The following DOCK3 variants were observed in gnomAD, a reference collection of about 807,000 sequenced individuals.
DOCK3 encodes the protein dedicator of cytokinesis 3.
In DOCK3, 60 loss-of-function variants were observed where a neutral mutation model predicts 265.6. The ratio of observed to expected loss-of-function variants is 0.23; its 90% CI spans 0.18 to 0.28. DOCK3 has a LOEUF of 0.28. DOCK3 is among the 10% of genes least tolerant of loss of function. The probability of loss-of-function intolerance (pLI) is 1.00; values close to 1 mark genes in which losing one functional copy is unlikely to be tolerated. For synonymous variants in DOCK3, 881 were observed against 938.0 expected (o/e 0.94, Z 1.11); for missense variants, 1,981 against 2,594.3 (o/e 0.76, Z 5.14).
At chr3:51,101,932 C>T (rs1348834118) in intron 9 of DOCK3, among the ~76,000 whole-genome samples, 1 of 152,172 alleles carries the variant, frequency 6.6e-6, no homozygotes, top group Non-Finnish European at 1.5e-5. Context: ...AAAGCTTTTC[C>T]AGAGTTGGGG....
rs1362452211 is a variant in DOCK3 at position 50,867,432 on chromosome 3, C to T, written c.163-22594C>T. Among the ~76,000 whole-genome samples the T allele has an allele frequency of 2.6e-5, 4 of 152,188 alleles. No homozygotes were observed. The East Asian group carries it at 7.7e-4, about 29-fold the overall frequency. ...TGTGTTTTTTTCTGTTGTCTGATTG[C>T]TGTACCTAGGACTTCCAGTACTATG... On this transcript the variant is annotated intron_variant, in intron 3 of 52. Transcript: ENST00000266037.
intron 1 of DOCK3, among the ~76,000 whole-genome samples, chr3:50,757,380 C>T (rs2040227780): frequency 6.6e-6 from 1 of 151,690 alleles, no homozygotes; most frequent in African/African-American, 2.4e-5. Flanking sequence ...CCATGTTGGC[C>T]CGGCTGGTCT....
intron 6 of DOCK3, 139 bp from the exon 7 acceptor site, chr3:51,075,217 T>C (rs2082015717): frequency 1.1e-5 from 7 of 626,956 alleles, no homozygotes; most frequent in Non-Finnish European, 1.9e-5. Flanking sequence ...TAGTTGTTGC[T>C]GTATAAAGAC....
At chr3:51,192,167 C>G (rs183764421) in intron 12 of DOCK3, among the ~76,000 whole-genome samples, 1 of 151,596 alleles carries the variant, frequency 6.6e-6, no homozygotes, top group Admixed American at 6.6e-5. Context: ...CAATTTCCAG[C>G]AGCATTTTCC....
intron 27 of DOCK3, among the ~76,000 whole-genome samples, chr3:51,309,326 A>G (rs1316145093): frequency 6.6e-6 from 1 of 152,244 alleles, no homozygotes; most frequent in Non-Finnish European, 1.5e-5. Context: ...CTCCGTCTGC[A>G]ATCCCGGCAC....
chr3:51,234,422 T>C (rs1048946034), intron 19 of DOCK3, among the ~76,000 whole-genome samples: 2 of 152,228 alleles, frequency 1.3e-5, no homozygotes, highest in African/African-American at 4.8e-5. Flanking sequence ...TTTGGAAATA[T>C]TTTCTCCCAT....
At chr3:51,185,443 T>C (rs2087541796) in intron 12 of DOCK3, among the ~76,000 whole-genome samples, 2 of 152,196 alleles carry the variant, frequency 1.3e-5, no homozygotes, top group African/African-American at 4.8e-5. Flanking sequence ...CAAGTAGGCA[T>C]TTAATAAGTA....
At position 51,128,734 on chromosome 3, in the gene DOCK3, G is replaced by T. The variant is rs563878654; in HGVS notation, c.747-17815G>T. Reference sequence around the variant, plus strand: ...GGAACGGTGCCATATCGAGGGCTCAGTGTTGGTCTCTGCTGCTGGCAAATT... The same window carrying T: ...GGAACGGTGCCATATCGAGGGCTCATTGTTGGTCTCTGCTGCTGGCAAATT... On this transcript the variant is annotated intron_variant, in intron 9 of 52. Transcript: ENST00000266037. 1.7e-3 allele frequency among the ~76,000 whole-genome samples: 253 copies of T among 152,308 alleles called. 1 individual carries two copies. The highest frequency in any genetic ancestry group is 1.3e-3 in the Non-Finnish European group (86 of 68,028).
intron 49 of DOCK3, among the ~76,000 whole-genome samples, chr3:51,373,653 A>AT (rs2087858992): frequency 6.6e-6 from 1 of 152,264 alleles, no homozygotes; most frequent in Non-Finnish European, 1.5e-5. Context: ...TGTGGCCTCC[A>AT]TAACAGTCCC....
chr3:50,731,322 AC>A, intron 1 of DOCK3, among the ~76,000 whole-genome samples: 1 of 152,328 alleles, frequency 6.6e-6, no homozygotes, highest in East Asian at 1.9e-4. Context: ...AAGTCACTGT[AC>A]ATTTGTTCAA....
At position 50,887,086 on chromosome 3, in the gene DOCK3, A is replaced by C. The variant is rs561673420; in HGVS notation, c.163-2940A>C. ...AATGAATCCAGGAGCTGGTTTTTTG[A>C]AAAGATCAACAAAATTGATAGACTG... On this transcript the variant is annotated intron_variant, in intron 3 of 52. Transcript: ENST00000266037. Among the ~76,000 whole-genome samples the C allele has an allele frequency of 2.2e-3, 342 of 152,238 alleles. 3 individuals carry two copies. Among genetic ancestry groups the C allele is most frequent in the African/African-American group, 7.9e-3 (329 of 41,542 alleles).
chr3:51,306,966 AAT>A (rs2082722429), intron 27 of DOCK3, among the ~76,000 whole-genome samples: 3 of 152,096 alleles, frequency 2.0e-5, no homozygotes, highest in Non-Finnish European at 2.9e-5. Context: ...TATATCTTAT[AAT>A]ATTTTGTTGA....
At chr3:51,126,364 T>C (rs993602799) in intron 9 of DOCK3, among the ~76,000 whole-genome samples, 1 of 152,198 alleles carries the variant, frequency 6.6e-6, no homozygotes, top group Non-Finnish European at 1.5e-5. Context: ...TTTTTTGGCA[T>C]CGGGGGCCAA....
At chr3:51,078,586 T>G (rs2082128410) in intron 7 of DOCK3, among the ~76,000 whole-genome samples, 1 of 152,208 alleles carries the variant, frequency 6.6e-6, no homozygotes. Flanking sequence ...GAAAAACATT[T>G]GGCTTCCTAA....
At chr3:50,767,478 A>G (rs1382835198) in intron 1 of DOCK3, among the ~76,000 whole-genome samples, 1 of 152,040 alleles carries the variant, frequency 6.6e-6, no homozygotes, top group African/African-American at 2.4e-5. Context: ...ATTGGTCTAT[A>G]TCTCTGTTTT....
chr3:51,066,598 T>C (rs1171248323), intron 6 of DOCK3, among the ~76,000 whole-genome samples: 1 of 152,172 alleles, frequency 6.6e-6, no homozygotes, highest in African/African-American at 2.4e-5. Flanking sequence ...CATAAAGCCA[T>C]TTTTAGGTAT....
chr3:50,843,113 C>G (rs1452958614), intron 3 of DOCK3, among the ~76,000 whole-genome samples: 1 of 152,112 alleles, frequency 6.6e-6, no homozygotes, highest in African/African-American at 2.4e-5. Flanking sequence ...TATTAAACAT[C>G]ACTGTTTTGA....
chr3:51,341,281 G>C lies in DOCK3; in HGVS notation c.3811G>C (p.Glu1271Gln). The change falls in exon 38 of 53, where the codon GAG (glutamate) becomes CAG (glutamine). Residue 1271 changes from glutamate to glutamine, a missense_variant. Physicochemically the swap from Glu to Gln is conservative, Grantham distance 29. Transcript: ENST00000266037. ...CCTTTACTGTGAGCTGCTGCAGTGG[G>C]AGGACCGGCCACTACGGGAATTCCT... Reference protein sequence around the residue: ...LLLYCELLQWEDRPLREFLHY... With the variant: ...LLLYCELLQWQDRPLREFLHY... 1.2e-6 allele frequency: 2 copies of C among 1,608,424 alleles called. No individual in the cohort carries two copies. Among genetic ancestry groups the C allele is most frequent in the Non-Finnish European group, 1.7e-6 (2 of 1,177,034 alleles).
chr3:50,922,806 G>C (rs998536102), intron 4 of DOCK3, among the ~76,000 whole-genome samples: 2 of 151,052 alleles, frequency 1.3e-5, no homozygotes, highest in African/African-American at 4.9e-5. Context: ...GGAACAGGTG[G>C]GGTTTGGTTA....
Sources: allele counts gnomAD v4.1 joint callset (sites outside exome capture counted in the v4.1 genomes callset), GRCh38; gene constraint gnomAD v4.1.1; transcripts MANE v1.5; gene names NCBI Gene and HGNC (gene_info 2026-07-23, HGNC 2026-07-21).